Variants in ANKS3 observed in about 807,000 individuals in gnomAD.
The protein encoded by ANKS3 is ankyrin repeat and SAM domain-containing protein 3.
ANKS3 carries 62 observed loss-of-function variants against 80.7 expected under a neutral mutation model. The observed-to-expected ratio is 0.77, with a 90% confidence interval of 0.63 to 0.95. The LOEUF is 0.95. ANKS3 is among the 40% of genes least tolerant of loss of function. ANKS3 has a pLI of 0.00. For synonymous variants in ANKS3, 489 were observed against 355.3 expected (o/e 1.38, Z -4.23); for missense variants, 1,150 against 883.6 (o/e 1.30, Z -3.82).
intron 1 of ANKS3, among the ~76,000 whole-genome samples, chr16:4,733,659 G>T (rs1482749104): frequency 6.6e-6 from 1 of 152,192 alleles, no homozygotes; most frequent in Non-Finnish European, 1.5e-5. Flanking sequence ...ATAAATGCTT[G>T]AAGGGATGGA....
chr16:4,707,885 C>T (rs535487877), intron 7 of ANKS3, among the ~76,000 whole-genome samples: 67 of 152,004 alleles, frequency 4.4e-4, no homozygotes, highest in African/African-American at 1.5e-3. Context: ...CCGAGGTGGG[C>T]GGATCACTTG....
At chr16:4,700,371 C>T (rs1385651824) in intron 11 of ANKS3, 3 of 161,778 alleles carry the variant, frequency 1.9e-5, no homozygotes, top group East Asian at 1.9e-4. Flanking sequence ...GAGCCGAGAT[C>T]GCGCCACTGC....
At chr16:4,707,402 C>T (rs924723026) in intron 7 of ANKS3, among the ~76,000 whole-genome samples, 14 of 151,936 alleles carry the variant, frequency 9.2e-5, no homozygotes, top group Non-Finnish European at 5.9e-5. Context: ...CTGCCTCAGC[C>T]TCCCGAGTAG....
intron 7 of ANKS3, 101 bp downstream of exon 7, chr16:4,713,950 G>T (rs549157390): frequency 1.3e-6 from 2 of 1,487,774 alleles, no homozygotes; most frequent in Non-Finnish European, 1.8e-6. Flanking sequence ...TCTCAGAGAA[G>T]GTGGGAGCCG....
chr16:4,705,673 T>C (rs112561616), intron 7 of ANKS3, among the ~76,000 whole-genome samples: 1 of 151,918 alleles, frequency 6.6e-6, no homozygotes, highest in African/African-American at 2.4e-5. Flanking sequence ...TTTTGCCATG[T>C]TGGCCAGGCT....
Position 4,705,194 on chromosome 16 carries a change from G to C in ANKS3, c.769C>G (p.Pro257Ala), listed in dbSNP as rs2080119589. 2.5e-6 allele frequency: 4 copies of C among 1,613,994 alleles called. No individual in the cohort carries two copies. The highest frequency in any genetic ancestry group is 3.4e-6 in the Non-Finnish European group (4 of 1,180,044). Residue 257 changes from proline (P) to alanine (A), a missense_variant, in exon 8 of 18, where the codon CCT becomes GCT. Transcript: ENST00000304283. ...ESCPAPQRQR[P>A]CRKKGVSIHE... is the part of the protein sequence containing the mutation. ...ATGCTGACACCCTTCTTCCGGCAAG[G>C]CCTCTGTCTCTGAGGAGCAGGGCAG...
At chr16:4,698,685 C>G (rs2079725940) in intron 13 of ANKS3, 86 bp from the exon 14 acceptor site, 1 of 1,523,026 alleles carries the variant, frequency 6.6e-7, no homozygotes, top group East Asian at 2.3e-5. Flanking sequence ...GTGTGTGGGG[C>G]CCTCTCCCCA....
At chr16:4,702,376 CT>C (rs2079964413) in intron 8 of ANKS3, 134 bp from the exon 9 acceptor site, 2 of 948,434 alleles carry the variant, frequency 2.1e-6, no homozygotes, top group Non-Finnish European at 2.9e-6. Context: ...TGGCATGGCT[CT>C]ATCTGTGGTG....
At position 4,702,139 on chromosome 16, in the gene ANKS3, C is replaced by G. The variant is rs780740836; in HGVS notation, c.972G>C (p.Glu324Asp). ...CCRDVTSPINERDVESSSSSS... is the reference protein window; with the variant it reads ...CCRDVTSPINDRDVESSSSSS... ...TGCTGCTGCTGCTCTCCACATCCCG[C>G]TCATTGATGGGGGAGGTGACATCCC... The change falls in exon 9 of 18, where the codon GAG (glutamate) becomes GAC (aspartate). Residue 324 changes from glutamate (E) to aspartate (D), a missense_variant. Glu to Asp is a conservative substitution (Grantham distance 45, BLOSUM62 2). Coordinates refer to ENST00000304283, the MANE Select transcript of ANKS3 (RefSeq NM_133450.4). 8.1e-6 allele frequency: 13 copies of G among 1,597,602 alleles called. No individual in the cohort carries two copies. The South Asian group carries it at 1.4e-4, about 18-fold the overall frequency.
chr16:4,714,990 CAAAAAAAAAAAAAA>C (rs753327026), intron 6 of ANKS3, among the ~76,000 whole-genome samples: 1 of 36,626 alleles, frequency 2.7e-5, no homozygotes, highest in African/African-American at 1.5e-4. Context: ...GACTCTGTCT[CAAAAAAAAAAAAAA>C]AAAAAAAAAA....
At chr16:4,724,639 G>C (rs535008025) in intron 6 of ANKS3, 111 bp downstream of exon 6, 8 of 1,047,134 alleles carry the variant, frequency 7.6e-6, no homozygotes, top group South Asian at 4.7e-5. Flanking sequence ...TTGAATAAAT[G>C]AATGAAAGTT....
At chr16:4,717,987 C>T (rs973312228) in intron 6 of ANKS3, among the ~76,000 whole-genome samples, 2 of 152,086 alleles carry the variant, frequency 1.3e-5, no homozygotes, top group Non-Finnish European at 2.9e-5. Context: ...GTTGGCCAGG[C>T]TGGTCTTGAA....
chr16:4,702,234 G>A lies in ANKS3; in HGVS notation c.877C>T (p.Pro293Ser), dbSNP rs1218997788. The A allele has an allele frequency of 2.5e-6, 4 of 1,576,988 alleles. No individual in the cohort carries two copies. The highest frequency in any genetic ancestry group is 1.9e-5 in the Admixed American group (1 of 53,828). ...TTGAAGGTGACATAGCCACGGGGAG[G>A]AGCCTGCTCTGTGTACAGAATGGGG... is the stretch of plus-strand genomic sequence containing the variant. Reference protein sequence around the residue: ...RAPRPRYEQAPPRGYVTFNSS... With the variant: ...RAPRPRYEQASPRGYVTFNSS... The change falls in exon 9 of 18, where the codon CCT (proline) becomes TCT (serine). Residue 293 changes from proline to serine, a missense_variant. Coordinates refer to ENST00000304283, the MANE Select transcript of ANKS3 (RefSeq NM_133450.4).
At chr16:4,731,885 C>T (rs1453948748) in intron 1 of ANKS3, among the ~76,000 whole-genome samples, 1 of 152,070 alleles carries the variant, frequency 6.6e-6, no homozygotes, top group Non-Finnish European at 1.5e-5. Flanking sequence ...TCATCAGCTT[C>T]CTAGTAGAAT....
At chr16:4,716,681 A>T (rs1048283632) in intron 6 of ANKS3, among the ~76,000 whole-genome samples, 1 of 148,948 alleles carries the variant, frequency 6.7e-6, no homozygotes, top group Non-Finnish European at 1.5e-5. Context: ...ACTTTGGGGG[A>T]CCAAGGTGGG....
At chr16:4,709,252 C>G (rs1459742049) in intron 7 of ANKS3, among the ~76,000 whole-genome samples, 1 of 150,992 alleles carries the variant, frequency 6.6e-6, no homozygotes, top group Non-Finnish European at 1.5e-5. Flanking sequence ...CCCAAAAATG[C>G]AAAATTAGCC....
chr16:4,707,627 A>G (rs2080268929), intron 7 of ANKS3, among the ~76,000 whole-genome samples: 1 of 152,186 alleles, frequency 6.6e-6, no homozygotes. Context: ...TGAATCTATA[A>G]CAAGTTATGA....
rs185721153 is a variant in ANKS3, at chr16:4,707,059, A to G, written c.710-1806T>C. On this transcript the variant is annotated intron_variant, in intron 7 of 17. Coordinates refer to ENST00000304283, the MANE Select transcript of ANKS3 (RefSeq NM_133450.4). ...CAAAGATCTATAGCACTCCAGGGAG[A>G]CTGTGCTTCCATCCAAGCTGAAGGG... Among the ~76,000 whole-genome samples the G allele has an allele frequency of 1.6e-3, 241 of 152,226 alleles. 1 individual carries two copies. The highest frequency in any genetic ancestry group is 1.3e-3 in the Non-Finnish European group (91 of 68,024).
intron 7 of ANKS3, among the ~76,000 whole-genome samples, chr16:4,712,845 A>T (rs753425948): frequency 1.3e-5 from 2 of 152,206 alleles, no homozygotes; most frequent in Non-Finnish European, 2.9e-5. Flanking sequence ...CAGAGTCATG[A>T]GAATCAGCAG....
Sources: gnomAD v4.1 joint callset for allele counts (sites outside exome capture counted in the v4.1 genomes callset) on GRCh38, gnomAD v4.1.1 for gene constraint, MANE v1.5 for transcripts, NCBI Gene and HGNC (gene_info 2026-07-23, HGNC 2026-07-21) for gene names.